PAK2: variants seen among roughly 807,000 people sequenced by gnomAD.
PAK2 encodes serine/threonine-protein kinase PAK 2.
Under a neutral mutation model 65.9 loss-of-function variants are expected in PAK2, and 21 were observed. The ratio of observed to expected loss-of-function variants is 0.32; its 90% CI spans 0.23 to 0.46. The LOEUF (loss-of-function observed/expected upper bound fraction) is 0.46. PAK2 is among the 20% of genes least tolerant of loss of function. The pLI, the probability that PAK2 is intolerant of heterozygous loss-of-function variation, is 1.00. For synonymous variants in PAK2, 204 were observed against 219.7 expected, an observed-to-expected ratio of 0.93 and a Z score of 0.63; for missense variants, 324 against 642.6, an observed-to-expected ratio of 0.50 and a Z score of 5.36.
At chr3:196,786,557 C>G (rs1462751801) in intron 2 of PAK2, among the ~76,000 whole-genome samples, 11 of 152,110 alleles carry the variant, frequency 7.2e-5, no homozygotes, top group Admixed American at 7.2e-4. Context: ...TTTTCTATAG[C>G]TTGCCTTTTA....
At chr3:196,768,757 A>G (rs1335898689) in intron 1 of PAK2, among the ~76,000 whole-genome samples, 1 of 151,478 alleles carries the variant, frequency 6.6e-6, no homozygotes, top group African/African-American at 2.4e-5. Flanking sequence ...CCTCCTCCTC[A>G]TGAGTTCAAG....
intron 12 of PAK2, among the ~76,000 whole-genome samples, chr3:196,819,190 C>T (rs1711572475): frequency 6.6e-6 from 1 of 152,010 alleles, no homozygotes; most frequent in African/African-American, 2.4e-5. Flanking sequence ...GCCTGTAATC[C>T]CAGCACTTTG....
intron 1 of PAK2, among the ~76,000 whole-genome samples, chr3:196,760,955 G>A (rs961110311): frequency 6.6e-6 from 1 of 152,080 alleles, no homozygotes; most frequent in Non-Finnish European, 1.5e-5. Flanking sequence ...GAAAAGTTAG[G>A]GCTGAGCACA....
chr3:196,813,661 A>C (rs1233468765), intron 10 of PAK2, among the ~76,000 whole-genome samples: 1 of 152,056 alleles, frequency 6.6e-6, no homozygotes, highest in Non-Finnish European at 1.5e-5. Context: ...CATAGAAATA[A>C]ACTTTTCAGG....
At chr3:196,761,857 G>A (rs1267885949) in intron 1 of PAK2, among the ~76,000 whole-genome samples, 12 of 149,214 alleles carry the variant, frequency 8.0e-5, no homozygotes, top group Admixed American at 1.4e-4. Context: ...CCTCCCTCCC[G>A]GACGGGGTGG....
rs779427212 is a variant in PAK2, at chr3:196,799,375, A to T, written c.188-2552A>T. Among the ~76,000 whole-genome samples, 5 of 152,192 alleles carry T rather than the reference A, an allele frequency of 3.3e-5. No individual in the cohort carries two copies. In the East Asian group the frequency reaches 9.6e-4, roughly 29 times the overall value. On this transcript the variant is annotated intron_variant, in intron 2 of 14. Transcript: ENST00000327134. ...ACTGATAACTACTGCTCTGTTTCTA[A>T]GTGTCCCCCAGAGTTCATGTGTTAG...
Position 196,774,457 on chromosome 3 carries a change from G to C in PAK2, c.-21-8169G>C, listed in dbSNP as rs183827206. Among the ~76,000 whole-genome samples the C allele has an allele frequency of 1.9e-4, 29 of 152,206 alleles. No homozygotes were observed. The East Asian group carries it at 4.2e-3, about 22-fold the overall frequency. On this transcript the variant is annotated intron_variant, in intron 1 of 14. Transcript: ENST00000327134. ...TTTAGAGGATGTGAGGGATCTTTTT[G>C]GGCAAGGACTGACCTCAGGAAGGAA... is the stretch of plus-strand genomic sequence containing the variant.
chr3:196,811,678 G>C (rs979467491), intron 8 of PAK2, among the ~76,000 whole-genome samples: 1 of 152,008 alleles, frequency 6.6e-6, no homozygotes, highest in South Asian at 2.1e-4. Context: ...CACAAATCCA[G>C]TGTTGAGTCA....
At chr3:196,755,012 C>G (rs535951753) in intron 1 of PAK2, among the ~76,000 whole-genome samples, 25 of 152,276 alleles carry the variant, frequency 1.6e-4, no homozygotes, top group African/African-American at 6.0e-4. Context: ...TTTTATGAGG[C>G]AGAGCATGGC....
chr3:196,782,337 A>G (rs1022155201), intron 1 of PAK2, among the ~76,000 whole-genome samples: 4 of 150,948 alleles, frequency 2.6e-5, no homozygotes, highest in South Asian at 2.1e-4. Context: ...CTGTCTTTCT[A>G]TTGAGAAGGT....
chr3:196,772,904 T>G (rs527996939), intron 1 of PAK2, among the ~76,000 whole-genome samples: 1 of 152,322 alleles, frequency 6.6e-6, no homozygotes, highest in Non-Finnish European at 1.5e-5. Context: ...ATATAAAAAG[T>G]AAATAAAAAT....
intron 1 of PAK2, among the ~76,000 whole-genome samples, chr3:196,742,556 A>T (rs181102019): frequency 3.2e-3 from 495 of 152,336 alleles, no homozygotes; most frequent in African/African-American, 0.012. Flanking sequence ...GATTATTATT[A>T]TAATAATATT....
At chr3:196,752,586 TTTTA>T (rs988043611) in intron 1 of PAK2, among the ~76,000 whole-genome samples, 3 of 152,006 alleles carry the variant, frequency 2.0e-5, no homozygotes, top group Admixed American at 6.6e-5. Context: ...GGTAATTTTG[TTTTA>T]TTTATTTGTT....
chr3:196,742,572 A>G (rs554576757), intron 1 of PAK2, among the ~76,000 whole-genome samples: 1 of 152,352 alleles, frequency 6.6e-6, no homozygotes, highest in South Asian at 2.1e-4. Context: ...ATATTTGAGT[A>G]TATTTCTTTT....
At chr3:196,801,013 C>T (rs1056571920) in intron 2 of PAK2, among the ~76,000 whole-genome samples, 4 of 151,992 alleles carry the variant, frequency 2.6e-5, no homozygotes, top group Admixed American at 1.3e-4. Flanking sequence ...TCACAGAGAA[C>T]ATTATTGATA....
At chr3:196,748,454 G>A (rs557023865) in intron 1 of PAK2, among the ~76,000 whole-genome samples, 5 of 152,212 alleles carry the variant, frequency 3.3e-5, no homozygotes, top group African/African-American at 9.6e-5. Flanking sequence ...ACTGGTTTCC[G>A]CACCTTAAAA....
intron 1 of PAK2, among the ~76,000 whole-genome samples, chr3:196,780,749 G>C (rs764141624): frequency 2.0e-5 from 3 of 152,062 alleles, no homozygotes; most frequent in Non-Finnish European, 2.9e-5. Flanking sequence ...GAAAATAAAA[G>C]CTGTAAGATT....
chr3:196,814,609 G>A (rs1478248328), intron 11 of PAK2, 41 bp downstream of exon 11: 14 of 840,674 alleles, frequency 1.7e-5, no homozygotes, highest in Non-Finnish European at 2.8e-5. Context: ...GTGATATGTG[G>A]TTAGCAAGAA....
chr3:196,795,134 C>A (rs963611269), intron 2 of PAK2, among the ~76,000 whole-genome samples: 27 of 151,762 alleles, frequency 1.8e-4, no homozygotes, highest in African/African-American at 5.6e-4. Context: ...AAAACTACAC[C>A]AAGGCTTACT....
Sources: allele counts gnomAD v4.1 joint callset (sites outside exome capture counted in the v4.1 genomes callset), GRCh38; gene constraint gnomAD v4.1.1; transcripts MANE v1.5; gene names NCBI Gene and HGNC (gene_info 2026-07-23, HGNC 2026-07-21).